The following EPC2 variants were observed in gnomAD, a reference collection of about 807,000 sequenced individuals.
The protein encoded by EPC2 is enhancer of polycomb homolog 2.
EPC2 carries 14 observed loss-of-function variants against 92.1 expected under a neutral mutation model. The ratio of observed to expected loss-of-function variants is 0.15; its 90% CI spans 0.10 to 0.24. The LOEUF is 0.24. Ranked by LOEUF, EPC2 falls within the 10% of genes least tolerant of loss-of-function variation. The pLI is 1.00. For missense variants in EPC2, 755 were observed against 971.5 expected (o/e 0.78, Z 2.96); for synonymous variants, 340 against 334.7 (o/e 1.02, Z -0.17).
chr2:148,703,077 A>G (rs1681921140), intron 2 of EPC2, among the ~76,000 whole-genome samples: 2 of 152,240 alleles, frequency 1.3e-5, no homozygotes, highest in African/African-American at 4.8e-5. Context: ...AACTTAAAAT[A>G]CAGGATTTTA....
chr2:148,660,169 T>A (rs1219418043), intron 1 of EPC2, among the ~76,000 whole-genome samples: 1 of 152,182 alleles, frequency 6.6e-6, no homozygotes, highest in Non-Finnish European at 1.5e-5. Flanking sequence ...GTAATATATT[T>A]GTATGTGAAT....
intron 1 of EPC2, among the ~76,000 whole-genome samples, chr2:148,681,405 C>G (rs1027682838): frequency 3.3e-5 from 5 of 152,054 alleles, no homozygotes; most frequent in Non-Finnish European, 7.4e-5. Flanking sequence ...AATAGTAATT[C>G]ATGTTGCTGT....
rs772410896 is a variant in EPC2, at chr2:148,784,672, C to G, written c.2022C>G (p.Thr674=). 2.5e-6 allele frequency: 4 copies of G among 1,592,334 alleles called. No homozygotes were observed. Among genetic ancestry groups the G allele is most frequent in the African/African-American group, 2.7e-5 (2 of 74,196 alleles). ...AATGACTTCTTTCTTTTTCAGGAAC[C>G]TCTAAAACATTATACTCCACCAATA... ...NINGVVQPSG[T]SKTLYSTNMA... Residue 674 remains threonine, a synonymous_variant, in exon 13 of 14, where the codon ACC becomes ACG. Transcript: ENST00000258484.
intron 1 of EPC2, chr2:148,645,469 C>T (rs1241896053): frequency 2.8e-6 from 1 of 362,798 alleles, no homozygotes; most frequent in Non-Finnish European, 5.1e-6. Context: ...GCTGGCCGCT[C>T]TTGGCGTACG....
chr2:148,650,241 C>G (rs936873248), intron 1 of EPC2, among the ~76,000 whole-genome samples: 3 of 152,032 alleles, frequency 2.0e-5, no homozygotes, highest in African/African-American at 7.2e-5. Flanking sequence ...TTTTTCTGTT[C>G]CAAGAGCTAT....
At chr2:148,747,872 A>G (rs1047133718) in intron 3 of EPC2, among the ~76,000 whole-genome samples, 2 of 152,024 alleles carry the variant, frequency 1.3e-5, no homozygotes, top group Non-Finnish European at 2.9e-5. Context: ...CTGGATTTCT[A>G]GTGGAACCTT....
chr2:148,683,195 A>G (rs975082635), intron 1 of EPC2, among the ~76,000 whole-genome samples: 1 of 151,844 alleles, frequency 6.6e-6, no homozygotes, highest in African/African-American at 2.4e-5. Context: ...AGCAGTGTAC[A>G]CTGTACCCAG....
At chr2:148,672,294 G>A (rs1681169877) in intron 1 of EPC2, among the ~76,000 whole-genome samples, 1 of 152,062 alleles carries the variant, frequency 6.6e-6, no homozygotes, top group African/African-American at 2.4e-5. Context: ...CCATTTACAT[G>A]GAATATCTTT....
rs1681618719 is a variant in EPC2 at position 148,690,372 on chromosome 2, G to C, written c.312G>C (p.Gln104His). 6.4e-7 allele frequency: 1 copy of C among 1,571,498 alleles called. No individual in the cohort carries two copies. The highest frequency in any genetic ancestry group is 8.6e-7 in the Non-Finnish European group (1 of 1,162,986). Residue 104 changes from glutamine to histidine, a missense_variant and splice_region_variant, in exon 2 of 14, where the codon CAG (glutamine) becomes CAC (histidine). Physicochemically the swap from Gln to His is conservative, Grantham distance 24 (BLOSUM62 0). Coordinates refer to ENST00000258484, the MANE Select transcript of EPC2 (RefSeq NM_015630.4). ...AGCCAAAACAGTTCATTCATATTCA[G>C]CGTAAGTTTGTTAATTCATTGTTTT... ...FKQPKQFIHIQPFNLDNEQPD... is the reference protein window; with the variant it reads ...FKQPKQFIHIHPFNLDNEQPD...
At position 148,651,831 on chromosome 2, in the gene EPC2, G is replaced by A. The variant is rs1053742802; in HGVS notation, c.153+6661G>A. Among the ~76,000 whole-genome samples the A allele has an allele frequency of 5.3e-5, 8 of 152,224 alleles. No homozygotes were observed. In the South Asian group the frequency reaches 8.3e-4, roughly 16 times the overall value. ...TTGATTTTAAGAGTAGGACATATAG[G>A]TGTTACTACTTCTTTTTCAGAGGAA... On this transcript the variant is annotated intron_variant, in intron 1 of 13. Transcript: ENST00000258484.
chr2:148,748,449 C>T (rs1347940324), intron 3 of EPC2, among the ~76,000 whole-genome samples: 2 of 152,072 alleles, frequency 1.3e-5, no homozygotes, highest in Admixed American at 6.6e-5. Flanking sequence ...CACTTTAGTG[C>T]TGACTTCTTT....
chr2:148,691,847 CACTG>C lies in EPC2; in HGVS notation c.313+1476_313+1479del, dbSNP rs1472973095. The C allele has an allele frequency of 9.0e-5, 57 of 636,786 alleles. 1 individual carries two copies. The East Asian group carries it at 1.8e-3, about 20-fold the overall frequency. 39.4% of individuals were successfully genotyped at this position (636,786 alleles called of 1,614,324 possible). A position where few individuals can be genotyped will look rare whatever the true frequency, so the allele number is the denominator to read the frequency against. ...TGGCTAATTTATTTCTTTAATCTTACACTGAGGGCATAGCCCTTTGGTAATGTAT... is the reference window on the plus strand; with the variant it reads ...TGGCTAATTTATTTCTTTAATCTTACAGGGCATAGCCCTTTGGTAATGTAT... On this transcript the variant is annotated intron_variant, in intron 2 of 13. Transcript: ENST00000258484.
intron 2 of EPC2, among the ~76,000 whole-genome samples, chr2:148,706,548 G>T (rs1682003668): frequency 6.6e-6 from 1 of 152,194 alleles, no homozygotes; most frequent in Non-Finnish European, 1.5e-5. Context: ...ATAATTGTCA[G>T]ATTCACCAAG....
intron 1 of EPC2, among the ~76,000 whole-genome samples, chr2:148,667,310 T>A (rs1681074863): frequency 6.6e-6 from 1 of 152,180 alleles, no homozygotes; most frequent in African/African-American, 2.4e-5. Context: ...GCAGGTTGTT[T>A]CAGTACAAAA....
intron 1 of EPC2, among the ~76,000 whole-genome samples, chr2:148,649,607 T>G (rs1429953527): frequency 1.3e-5 from 2 of 152,212 alleles, no homozygotes; most frequent in Non-Finnish European, 2.9e-5. Context: ...TTGATTATCA[T>G]TTAATTCTGG....
chr2:148,699,441 CAT>C (rs1681830999), intron 2 of EPC2, among the ~76,000 whole-genome samples: 1 of 152,218 alleles, frequency 6.6e-6, no homozygotes, highest in African/African-American at 2.4e-5. Context: ...TTCGCTGGTA[CAT>C]TCTTCCAAAT....
At chr2:148,744,503 A>T (rs1375360119) in intron 3 of EPC2, among the ~76,000 whole-genome samples, 1 of 152,166 alleles carries the variant, frequency 6.6e-6, no homozygotes, top group Non-Finnish European at 1.5e-5. Context: ...ATAATATCAG[A>T]TTTAGAAAAC....
At chr2:148,685,773 TAAAAATAA>T (rs1681506373) in intron 1 of EPC2, among the ~76,000 whole-genome samples, 1 of 152,050 alleles carries the variant, frequency 6.6e-6, no homozygotes, top group Non-Finnish European at 1.5e-5. Context: ...TCTCAAAAAA[TAAAAATAA>T]AAAAATAAAA....
In EPC2 at chr2:148,784,839, C is replaced by T; in HGVS notation, c.2189C>T (p.Ala730Val). The change falls in exon 13 of 14, where the codon GCA becomes GTA. Residue 730 changes from alanine (A) to valine (V), a missense_variant. Ala to Val is a moderately conservative substitution (Grantham distance 64, BLOSUM62 0). Transcript: ENST00000258484. ...ATGAACAATTCCTGCCTGACAAATG[C>T]AGTGCACCTCAATAATGTCAGTGTT... ...LPMNNSCLTN[A>V]VHLNNVSVVS... is the part of the protein sequence containing the mutation. 1 of 1,613,874 alleles carries T rather than the reference C, an allele frequency of 6.2e-7. No homozygotes were observed. Among genetic ancestry groups the T allele is most frequent in the Non-Finnish European group, 8.5e-7 (1 of 1,179,820 alleles).
Sources: gnomAD v4.1 joint callset for allele counts (sites outside exome capture counted in the v4.1 genomes callset) on GRCh38, gnomAD v4.1.1 for gene constraint, MANE v1.5 for transcripts, NCBI Gene and HGNC (gene_info 2026-07-23, HGNC 2026-07-21) for gene names.